CERK: variants seen among roughly 807,000 people sequenced by gnomAD.
CERK encodes ceramide kinase, also known as acylsphingosine kinase.
In CERK, 39 loss-of-function variants were observed where a neutral mutation model predicts 63.4. The ratio of observed to expected loss-of-function variants is 0.61; its 90% CI spans 0.48 to 0.80. The LOEUF is 0.80. Among genes scored for constraint, CERK ranks in the 30% least tolerant of loss-of-function variants. The probability of loss-of-function intolerance (pLI) is 0.00; values close to 1 mark genes in which losing one functional copy is unlikely to be tolerated. For missense variants in CERK, 670 were observed against 714.1 expected (o/e 0.94, Z 0.70); for synonymous variants, 302 against 280.0 (o/e 1.08, Z -0.78).
chr22:46,694,297 C>T (rs926293510), intron 9 of CERK, among the ~76,000 whole-genome samples: 4 of 152,070 alleles, frequency 2.6e-5, no homozygotes, highest in Non-Finnish European at 5.9e-5. Context: ...GTCATGCGGC[C>T]TGGGACAACT....
chr22:46,688,626 G>A (rs917662123), intron 12 of CERK, among the ~76,000 whole-genome samples: 2 of 152,242 alleles, frequency 1.3e-5, no homozygotes, highest in African/African-American at 4.8e-5. Context: ...CAGCTGGCTG[G>A]CTGAGGAGTC....
intron 3 of CERK, among the ~76,000 whole-genome samples, chr22:46,717,056 C>T (rs1333599221): frequency 6.6e-6 from 1 of 152,154 alleles, no homozygotes; most frequent in Non-Finnish European, 1.5e-5. Context: ...CTGAATGGCC[C>T]ATGAACATAT....
At chr22:46,697,698 T>C (rs890775822) in intron 8 of CERK, among the ~76,000 whole-genome samples, 4 of 152,114 alleles carry the variant, frequency 2.6e-5, no homozygotes, top group African/African-American at 9.7e-5. Flanking sequence ...AGAGACAGGG[T>C]TTCACCATGT....
In CERK at chr22:46,707,985, G is replaced by T; in HGVS notation, c.573C>A (p.Ile191=). The T allele has an allele frequency of 6.2e-7, 1 of 1,603,230 alleles. No individual in the cohort carries two copies. The highest frequency in any genetic ancestry group is 8.5e-7 in the Non-Finnish European group (1 of 1,172,476). ...ACATACCATCTCCGCCGACACAGAC[G>T]ATGCTGCAGGAGGAACACAGCCGGT... is the stretch of plus-strand genomic sequence containing the variant. The part of the protein sequence containing the change: ...YEINIDKYDG[I]VCVGGDGMFS... The change falls in exon 6 of 13, where the codon ATC becomes ATA. Residue 191 remains isoleucine (I), a synonymous_variant. Transcript: ENST00000216264.
At chr22:46,719,148 T>TTGTGTGTGTG (rs10583580) in intron 3 of CERK, among the ~76,000 whole-genome samples, 9,276 of 149,898 alleles carry the variant, frequency 0.062, 306 homozygotes, top group African/African-American at 0.083. Context: ...ACCTACCACT[T>TTGTGTGTGTG]TGTGTGTGTG....
chr22:46,707,110 A>C (rs2082816727), intron 6 of CERK, among the ~76,000 whole-genome samples: 1 of 152,026 alleles, frequency 6.6e-6, no homozygotes, highest in African/African-American at 2.4e-5. Context: ...GTCTTCATCC[A>C]TAAAATGGGG....
At chr22:46,728,288 G>A (rs1684055132) in intron 1 of CERK, among the ~76,000 whole-genome samples, 1 of 152,018 alleles carries the variant, frequency 6.6e-6, no homozygotes, top group South Asian at 2.1e-4. Flanking sequence ...ACTTTGTCAT[G>A]GGAACTGGAC....
chr22:46,726,512 C>T (rs1275440410), intron 1 of CERK, among the ~76,000 whole-genome samples: 1 of 152,178 alleles, frequency 6.6e-6, no homozygotes, highest in Non-Finnish European at 1.5e-5. Context: ...AAGGGTCACC[C>T]CAGAGGAAGA....
intron 7 of CERK, among the ~76,000 whole-genome samples, chr22:46,701,127 G>C (rs1421685697): frequency 2.6e-5 from 4 of 152,232 alleles, no homozygotes; most frequent in Non-Finnish European, 5.9e-5. Context: ...CAAAAGATCT[G>C]TCCTGCCAGA....
rs184442872 is a variant in CERK, at chr22:46,698,882, C to T, written c.943+431G>A. ...TGCTACTGCACTCCAGCCTGAGTGA[C>T]GGAGGAAGACTGTGTCTCAAAAAAA... On this transcript the variant is annotated intron_variant, in intron 8 of 12. Transcript: ENST00000216264. Among the ~76,000 whole-genome samples, 93 of 152,136 alleles carry T rather than the reference C, an allele frequency of 6.1e-4. No individual in the cohort carries two copies. The East Asian group carries it at 0.015, about 25-fold the overall frequency.
At chr22:46,712,119 T>C (rs1304662011) in intron 4 of CERK, 49 bp downstream of exon 4, 1 of 1,607,044 alleles carries the variant, frequency 6.2e-7, no homozygotes, top group Non-Finnish European at 8.5e-7. Context: ...TGACTATACT[T>C]GAATCATTCT....
chr22:46,732,271 T>C (rs1165572391), intron 1 of CERK, among the ~76,000 whole-genome samples: 1 of 152,168 alleles, frequency 6.6e-6, no homozygotes, highest in Admixed American at 6.5e-5. Flanking sequence ...AACTCGTGCC[T>C]GGAAGTCCAC....
chr22:46,691,462 C>T, intron 11 of CERK, 110 bp downstream of exon 11: 2 of 915,656 alleles, frequency 2.2e-6, no homozygotes, highest in Non-Finnish European at 3.2e-6. Flanking sequence ...AAAAAGTTTG[C>T]CCTTCCTTCC....
Position 46,720,090 on chromosome 22 carries a change from C to T in CERK, c.375G>A (p.Lys125=). Residue 125 remains lysine, a synonymous_variant, in exon 3 of 13, where the codon AAG becomes AAA. Coordinates refer to ENST00000216264, the MANE Select transcript of CERK (RefSeq NM_022766.6). ...WLQTLREMLE[K]LTSRPKHLLV... ...TCAGTCCAAACACACACGTACTCAG[C>T]TTCTCCAGCATCTCCCGCAGGGTCT... 1 of 1,613,600 alleles carries T rather than the reference C, an allele frequency of 6.2e-7. No individual in the cohort carries two copies. The highest frequency in any genetic ancestry group is 8.5e-7 in the Non-Finnish European group (1 of 1,179,834).
intron 1 of CERK, among the ~76,000 whole-genome samples, chr22:46,733,780 G>A (rs957326946): frequency 4.0e-5 from 6 of 151,434 alleles, no homozygotes; most frequent in East Asian, 2.0e-4. Context: ...AGTGGCTAAC[G>A]CCTGTAATCC....
chr22:46,694,582 G>GC (rs1449436730), intron 9 of CERK, among the ~76,000 whole-genome samples: 1 of 152,114 alleles, frequency 6.6e-6, no homozygotes, highest in Non-Finnish European at 1.5e-5. Context: ...CCCTGGCTCT[G>GC]CCCCCCAACC....
chr22:46,726,202 C>G (rs1237809395), intron 1 of CERK, among the ~76,000 whole-genome samples: 1 of 152,212 alleles, frequency 6.6e-6, no homozygotes, highest in Admixed American at 6.5e-5. Context: ...TCGGGAGGCC[C>G]CAGATGTCTT....
rs953652817 is a variant in CERK, at chr22:46,714,228, G to A, written c.380-1935C>T. Among the ~76,000 whole-genome samples, 13 of 152,186 alleles carry A rather than the reference G, an allele frequency of 8.5e-5. No individual in the cohort carries two copies. Among genetic ancestry groups the A allele is most frequent in the South Asian group, 2.1e-4 (1 of 4,826 alleles). On this transcript the variant is annotated intron_variant, in intron 3 of 12. Coordinates refer to ENST00000216264, the MANE Select transcript of CERK (RefSeq NM_022766.6). The surrounding 1 kb of genome is among the most constrained non-coding windows in gnomAD (Gnocchi z 4.4). Reference sequence around the variant, plus strand: ...GGAGGTTGCAGTGAGCCAAGATCGCGCCATTGCACTCCAGCCTGGGTGACA... The same window carrying A: ...GGAGGTTGCAGTGAGCCAAGATCGCACCATTGCACTCCAGCCTGGGTGACA...
At chr22:46,712,790 G>A (rs1455521037) in intron 3 of CERK, among the ~76,000 whole-genome samples, 3 of 152,054 alleles carry the variant, frequency 2.0e-5, no homozygotes, top group African/African-American at 4.8e-5. Context: ...CTCTCCAGGG[G>A]CCCCGCCAAA....
Sources: gnomAD v4.1 joint callset for allele counts (sites outside exome capture counted in the v4.1 genomes callset) on GRCh38, gnomAD v4.1.1 for gene constraint, Gnocchi (gnomAD v3.1) non-coding constraint, MANE v1.5 for transcripts, NCBI Gene and HGNC (gene_info 2026-07-23, HGNC 2026-07-21) for gene names.